SAMD15: variants seen among roughly 807,000 people sequenced by gnomAD.
SAMD15 encodes the protein sterile alpha motif domain-containing protein 15.
In SAMD15, 37 loss-of-function variants were observed where a neutral mutation model predicts 50.5. That is an observed-to-expected ratio of 0.73 (90% CI 0.56 to 0.96). SAMD15 has a LOEUF of 0.96. Among genes scored for constraint, SAMD15 ranks in the 40% least tolerant of loss-of-function variants. The pLI is 0.00. For synonymous variants in SAMD15, 255 were observed against 282.8 expected, an observed-to-expected ratio of 0.90 and a Z score of 0.99; for missense variants, 789 against 783.8, an observed-to-expected ratio of 1.01 and a Z score of -0.08.
In SAMD15 at chr14:77,377,901, A is replaced by T; in HGVS notation, c.483A>T (p.Pro161=). The part of the protein sequence containing the change: ...LESAMETDPD[P]VPPTETMSEV... ...CAGCTATGGAAACAGATCCAGATCC[A>T]GTGCCACCAACGGAAACCATGTCTG... is the stretch of plus-strand genomic sequence containing the variant. The change falls in exon 1 of 3, where the codon CCA becomes CCT. Residue 161 remains proline, a synonymous_variant. Transcript: ENST00000216471. 1 of 1,614,154 alleles carries T rather than the reference A, an allele frequency of 6.2e-7. No homozygotes were observed. The highest frequency in any genetic ancestry group is 8.5e-7 in the Non-Finnish European group (1 of 1,180,012).
Position 77,377,537 on chromosome 14 carries a change from T to C in SAMD15, c.119T>C (p.Met40Thr), listed in dbSNP as rs140572974. 2,250 of 1,613,976 alleles carry C rather than the reference T, an allele frequency of 1.4e-3. 30 individuals carry two copies. The African/African-American group carries it at 0.025, about 18-fold the overall frequency. ...TATGAAAATGCCGAACCAGACACCA[T>C]GGCAAAGGCAGACTCGAAGCTACCA... ...KLYENAEPDT[M>T]AKADSKLPAE... The change falls in exon 1 of 3, where the codon ATG becomes ACG. Residue 40 changes from methionine (M) to threonine (T), a missense_variant. Physicochemically the swap from Met to Thr is moderately conservative, Grantham distance 81. Transcript: ENST00000216471.
At chr14:77,387,015 C>T (rs775128425) in intron 2 of SAMD15, among the ~76,000 whole-genome samples, 1 of 152,186 alleles carries the variant, frequency 6.6e-6, no homozygotes, top group Non-Finnish European at 1.5e-5. Context: ...ATTATGAATC[C>T]TTAGAAAACT....
chr14:77,378,503 A>G lies in SAMD15; in HGVS notation c.1085A>G (p.Glu362Gly). 1 of 1,613,752 alleles carries G rather than the reference A, an allele frequency of 6.2e-7. No individual in the cohort carries two copies. Among genetic ancestry groups the G allele is most frequent in the South Asian group, 1.1e-5 (1 of 91,030 alleles). Residue 362 changes from glutamate to glycine, a missense_variant, in exon 1 of 3, where the codon GAA becomes GGA. By Grantham distance (98) the Glu-to-Gly change is moderately conservative. Transcript: ENST00000216471. ...GAAATGATGAAACCAGAAAGTCCAG[A>G]AGAGATAAGAAAGTCAAATGAGAAA... The part of the protein sequence containing the change: ...QSEMMKPESP[E>G]EIRKSNEKKN...
chr14:77,390,850 A>T (rs113133262), intron 2 of SAMD15, among the ~76,000 whole-genome samples, 158 bp from the exon 3 acceptor site: 1,952 of 152,328 alleles, frequency 0.013, 41 homozygotes, highest in African/African-American at 0.045. Flanking sequence ...AGATCGCGCC[A>T]CTGCACTCCA....
rs764948355 is a variant in SAMD15, at chr14:77,377,754, CAGAGAGATGGG to C, written c.341_351del (p.Glu114ValfsTer11). 1.2e-6 allele frequency: 2 copies of C among 1,614,094 alleles called. No individual in the cohort carries two copies. The highest frequency in any genetic ancestry group is 1.7e-6 in the Non-Finnish European group (2 of 1,180,038). On this transcript the variant is annotated frameshift_variant, in exon 1 of 3. Transcript: ENST00000216471. LOFTEE classifies it high-confidence loss of function. The stretch of plus-strand genomic sequence containing the variant: ...ACCAAGAGGTAAAGTCGGAAACATC[CAGAGAGATGGG>C]AGAGTTTTTCAAAGATTTGGAGGCC...
At chr14:77,390,118 C>T (rs1260894714) in intron 2 of SAMD15, among the ~76,000 whole-genome samples, 1 of 151,860 alleles carries the variant, frequency 6.6e-6, no homozygotes, top group Non-Finnish European at 1.5e-5. Context: ...GCCTCAGTCT[C>T]CTGGGTAGCT....
At position 77,378,806 on chromosome 14, in the gene SAMD15, G is replaced by A. The variant is rs765256797; in HGVS notation, c.1388G>A (p.Gly463Glu). 1.8e-5 allele frequency: 29 copies of A among 1,613,228 alleles called. No homozygotes were observed. The highest frequency in any genetic ancestry group is 2.5e-5 in the Non-Finnish European group (29 of 1,179,796). Residue 463 changes from glycine to glutamate, a missense_variant, in exon 1 of 3, where the codon GGA becomes GAA. This residue lies in a region of SAMD15 where 770 missense variants were observed against 745.4 expected (regional missense o/e 1.03). Coordinates refer to ENST00000216471, the MANE Select transcript of SAMD15 (RefSeq NM_001010860.4). ...TTTAGAAAAGAATATTACGCATTAG[G>A]ATCTCTCAGAGAAAGTGAAGAATCA... ...DKFRKEYYAL[G>E]SLRESEESIG...
In SAMD15 at chr14:77,378,843, T is replaced by C; in HGVS notation, c.1425T>C (p.His475=). 6.2e-7 allele frequency: 1 copy of C among 1,614,016 alleles called. No homozygotes were observed. The highest frequency in any genetic ancestry group is 1.7e-5 in the Admixed American group (1 of 59,994). Residue 475 remains histidine, a synonymous_variant, in exon 1 of 3, where the codon CAT becomes CAC. Transcript: ENST00000216471. ...AAAGTGAAGAATCAATTGGTACACA[T>C]TATGAGTTTTTGCAACCACTCCAAA... The part of the protein sequence containing the change: ...LRESEESIGT[H]YEFLQPLQKL...
At chr14:77,386,757 T>C (rs1394221531) in intron 2 of SAMD15, among the ~76,000 whole-genome samples, 1 of 152,218 alleles carries the variant, frequency 6.6e-6, no homozygotes, top group Non-Finnish European at 1.5e-5. Context: ...CAAATATGCA[T>C]AGTTACATAC....
At chr14:77,385,225 A>G (rs1290403648) in intron 2 of SAMD15, among the ~76,000 whole-genome samples, 1 of 152,066 alleles carries the variant, frequency 6.6e-6, no homozygotes, top group Non-Finnish European at 1.5e-5. Context: ...CTAACATCAC[A>G]GAGTTCATTC....
Position 77,378,281 on chromosome 14 carries a change from TTCCAGAGGAGATGCAAAGAAAGGCAAC to T in SAMD15, c.865_891del (p.Pro289_Thr297del), listed in dbSNP as rs1238621762. 2 of 1,612,720 alleles carry T rather than the reference TTCCAGAGGAGATGCAAAGAAAGGCAAC, an allele frequency of 1.2e-6. No homozygotes were observed. The highest frequency in any genetic ancestry group is 1.1e-5 in the South Asian group (1 of 90,846). ...CCTCCAGAAGAGACTCAACCAGAGG[TTCCAGAGGAGATGCAAAGAAAGGCAAC>T]TGAGGAGAAAGGGACAGAACTACCT... On this transcript the variant is annotated inframe_deletion, in exon 1 of 3. Coordinates refer to ENST00000216471, the MANE Select transcript of SAMD15 (RefSeq NM_001010860.4).
At chr14:77,385,847 A>ATTTTTT (rs370327770) in intron 2 of SAMD15, among the ~76,000 whole-genome samples, 3 of 131,028 alleles carry the variant, frequency 2.3e-5, no homozygotes, top group Admixed American at 7.9e-5. Context: ...AACATCCTGG[A>ATTTTTT]TTTTTTTTTT....
intron 2 of SAMD15, among the ~76,000 whole-genome samples, chr14:77,381,990 T>C (rs1171365811): frequency 6.6e-6 from 1 of 152,120 alleles, no homozygotes; most frequent in African/African-American, 2.4e-5. Flanking sequence ...CAGGCTGGAG[T>C]GCAGTGGTGT....
At chr14:77,384,156 T>C (rs918458795) in intron 2 of SAMD15, among the ~76,000 whole-genome samples, 5 of 152,116 alleles carry the variant, frequency 3.3e-5, no homozygotes, top group Non-Finnish European at 7.3e-5. Flanking sequence ...AGTTAAATAG[T>C]ATAGTTATCT....
chr14:77,390,292 G>A (rs1341353639), intron 2 of SAMD15, among the ~76,000 whole-genome samples: 1 of 151,992 alleles, frequency 6.6e-6, no homozygotes, highest in African/African-American at 2.4e-5. Flanking sequence ...CACCATGCTC[G>A]GCCCTGAGTT....
At chr14:77,383,879 C>G (rs929779565) in intron 2 of SAMD15, among the ~76,000 whole-genome samples, 8 of 145,962 alleles carry the variant, frequency 5.5e-5, no homozygotes, top group African/African-American at 2.1e-4. Flanking sequence ...CTGAAGCAGG[C>G]GAATAGCTTG....
At chr14:77,383,323 C>G (rs747829143) in intron 2 of SAMD15, among the ~76,000 whole-genome samples, 11 of 152,130 alleles carry the variant, frequency 7.2e-5, no homozygotes, top group Non-Finnish European at 1.5e-4. Context: ...AGAATTTCAG[C>G]TTTTTATCAT....
intron 2 of SAMD15, among the ~76,000 whole-genome samples, chr14:77,386,373 ACATTC>A (rs1223102876): frequency 6.6e-6 from 1 of 152,164 alleles, no homozygotes; most frequent in Non-Finnish European, 1.5e-5. Context: ...CAAATAATGC[ACATTC>A]TTTGGGTCCG....
At chr14:77,380,305 C>G in intron 1 of SAMD15, 78 bp from the exon 2 acceptor site, 1 of 889,752 alleles carries the variant, frequency 1.1e-6, no homozygotes, top group Non-Finnish European at 1.9e-6. Flanking sequence ...ACGACTTCTT[C>G]CCTTCCTCCC....
Sources: gnomAD v4.1 joint callset for allele counts (sites outside exome capture counted in the v4.1 genomes callset) on GRCh38, gnomAD v4.1.1 for gene constraint, gnomAD v4.1.1 regional missense constraint, MANE v1.5 for transcripts, NCBI Gene and HGNC (gene_info 2026-07-23, HGNC 2026-07-21) for gene names.